Variants in APBB2 observed in about 807,000 individuals in gnomAD.
The protein encoded by APBB2 is Fe65-like 1.
A neutral mutation model predicts 82.5 loss-of-function variants in APBB2; 38 were observed. The ratio of observed to expected loss-of-function variants is 0.46; its 90% CI spans 0.36 to 0.60. The LOEUF (loss-of-function observed/expected upper bound fraction) is 0.60. Among genes scored for constraint, APBB2 ranks in the 20% least tolerant of loss-of-function variants. APBB2 has a pLI of 0.00. For missense variants in APBB2, 772 were observed against 972.3 expected (o/e 0.79, Z 2.74); for synonymous variants, 341 against 368.2 (o/e 0.93, Z 0.85).
intron 10 of APBB2, 98 bp from the exon 11 acceptor site, chr4:40,893,509 T>A: frequency 8.8e-7 from 1 of 1,132,038 alleles, no homozygotes; most frequent in Non-Finnish European, 1.2e-6. Context: ...GTACTACACT[T>A]AATGCACCTT....
intron 2 of APBB2, among the ~76,000 whole-genome samples, chr4:41,134,391 A>G (rs1316330519): frequency 1.3e-5 from 2 of 152,136 alleles, no homozygotes. Flanking sequence ...CATCCTGGCT[A>G]ACATGGTGAA....
intron 6 of APBB2, among the ~76,000 whole-genome samples, chr4:40,946,345 A>G (rs934423315): frequency 6.6e-6 from 1 of 152,120 alleles, no homozygotes; most frequent in East Asian, 1.9e-4. Context: ...AAACATGTGA[A>G]GCAGAGTGTG....
At chr4:41,041,004 T>C (rs976445973) in intron 4 of APBB2, among the ~76,000 whole-genome samples, 8 of 152,056 alleles carry the variant, frequency 5.3e-5, no homozygotes, top group Non-Finnish European at 1.0e-4. Flanking sequence ...CCTCAGCCTC[T>C]CGAGCAGCTG....
intron 1 of APBB2, among the ~76,000 whole-genome samples, chr4:41,165,869 C>T (rs1160041367): frequency 1.4e-5 from 2 of 143,528 alleles, no homozygotes; most frequent in African/African-American, 2.9e-5. Context: ...CATGTCAGGC[C>T]CCCTTTTTTT....
At chr4:41,179,161 T>TTC (rs1210183958) in intron 1 of APBB2, among the ~76,000 whole-genome samples, 1 of 152,202 alleles carries the variant, frequency 6.6e-6, no homozygotes, top group African/African-American at 2.4e-5. Context: ...TTGCCAAGTG[T>TTC]CATACAGTGT....
In APBB2 at chr4:41,071,271, A is replaced by G. The variant is rs868648361; in HGVS notation, c.-148-5598T>C. Among the ~76,000 whole-genome samples, 10 of 152,376 alleles carry G rather than the reference A, an allele frequency of 6.6e-5. 1 individual carries two copies. In the South Asian group the frequency reaches 1.2e-3, roughly 19 times the overall value. On this transcript the variant is annotated intron_variant, in intron 3 of 17. Transcript: ENST00000508593. ...ACAATTTTTAATAGAAAGGTGATGT[A>G]AGCTATCTAAAAGGTTGCTTATGCT...
intron 12 of APBB2, among the ~76,000 whole-genome samples, chr4:40,863,903 A>AG (rs1763402167): frequency 6.7e-6 from 1 of 149,878 alleles, no homozygotes; most frequent in East Asian, 1.9e-4. Flanking sequence ...AAAAAAAAAA[A>AG]AAAAAAAAAA....
At chr4:40,898,978 T>C (rs892413270) in intron 10 of APBB2, among the ~76,000 whole-genome samples, 1 of 152,166 alleles carries the variant, frequency 6.6e-6, no homozygotes, top group African/African-American at 2.4e-5. Flanking sequence ...ATGCTGAAGT[T>C]GTGATCTGGG....
rs781310906 is a variant in APBB2 at position 41,192,366 on chromosome 4, T to C, written c.-417+22039A>G. Among the ~76,000 whole-genome samples, 3 of 152,276 alleles carry C rather than the reference T, an allele frequency of 2.0e-5. No individual in the cohort carries two copies. In the Middle Eastern group the frequency reaches 0.01, roughly 518 times the overall value. ...ATGTTCATTGTAGGATTACTTACAA[T>C]AGCCAAGATACGGAAACAACCTAAG... On this transcript the variant is annotated intron_variant, in intron 1 of 17. Transcript: ENST00000508593.
intron 10 of APBB2, among the ~76,000 whole-genome samples, chr4:40,903,966 T>C (rs1047309175): frequency 2.6e-5 from 4 of 152,226 alleles, no homozygotes; most frequent in African/African-American, 9.6e-5. Context: ...GCCAGAATAA[T>C]GTACACTTAG....
At chr4:40,853,171 C>T (rs1024320379) in intron 12 of APBB2, among the ~76,000 whole-genome samples, 1 of 152,184 alleles carries the variant, frequency 6.6e-6, no homozygotes, top group African/African-American at 2.4e-5. Context: ...TCTCTTCATG[C>T]CCTCTGCCAT....
chr4:41,050,522 T>C (rs1295795926), intron 4 of APBB2, among the ~76,000 whole-genome samples: 2 of 152,228 alleles, frequency 1.3e-5, no homozygotes, highest in African/African-American at 2.4e-5. Context: ...AGACTTCTAG[T>C]TCCCTTCATC....
chr4:41,203,896 CCAAA>C (rs1301611654), intron 1 of APBB2, among the ~76,000 whole-genome samples: 1 of 152,212 alleles, frequency 6.6e-6, no homozygotes, highest in African/African-American at 2.4e-5. Flanking sequence ...GACAACTGAA[CCAAA>C]CACTTTTACT....
chr4:41,058,335 T>C (rs1728561205), intron 4 of APBB2, among the ~76,000 whole-genome samples: 1 of 152,118 alleles, frequency 6.6e-6, no homozygotes, highest in East Asian at 1.9e-4. Flanking sequence ...GGGACTTAAT[T>C]TGGACTATTG....
chr4:41,006,133 A>T (rs1041746640), intron 6 of APBB2, among the ~76,000 whole-genome samples: 1 of 152,274 alleles, frequency 6.6e-6, no homozygotes, highest in Non-Finnish European at 1.5e-5. Context: ...ATTTTTGCAT[A>T]GAACTTTCCA....
chr4:40,823,802 TACCACAC>T, intron 15 of APBB2, 43 bp from the exon 16 acceptor site: 1 of 1,358,264 alleles, frequency 7.4e-7, no homozygotes, highest in South Asian at 1.2e-5. Context: ...TAAAGCCACT[TACCACAC>T]TCAAATGTGG....
intron 4 of APBB2, among the ~76,000 whole-genome samples, chr4:41,041,525 T>C (rs1452214186): frequency 6.6e-6 from 1 of 152,250 alleles, no homozygotes; most frequent in Non-Finnish European, 1.5e-5. Context: ...TTTTTGCCAT[T>C]CACATAGCTG....
intron 16 of APBB2, 118 bp from the exon 17 acceptor site, chr4:40,822,168 T>A: frequency 8.0e-7 from 1 of 1,246,360 alleles, no homozygotes; most frequent in South Asian, 1.4e-5. Context: ...AAAGGACCTG[T>A]GTTTTTCTCG....
At chr4:41,190,041 A>T (rs926159077) in intron 1 of APBB2, among the ~76,000 whole-genome samples, 2 of 152,286 alleles carry the variant, frequency 1.3e-5, no homozygotes, top group Admixed American at 6.5e-5. Flanking sequence ...ATCTTCTTTC[A>T]TTAATATTTA....
Sources: gnomAD v4.1 joint callset for allele counts (sites outside exome capture counted in the v4.1 genomes callset) on GRCh38, gnomAD v4.1.1 for gene constraint, MANE v1.5 for transcripts, NCBI Gene and HGNC (gene_info 2026-07-23, HGNC 2026-07-21) for gene names.